The following DNAI7 variants were observed in gnomAD, a reference collection of about 807,000 sequenced individuals.
DNAI7 encodes the protein cancer susceptibility 1.
Under a neutral mutation model 86.6 loss-of-function variants are expected in DNAI7, and 78 were observed. The observed-to-expected ratio is 0.90, with a 90% CI of 0.75 to 1.09. The LOEUF (loss-of-function observed/expected upper bound fraction) is 1.09. Among genes scored for constraint, DNAI7 ranks in the 50% least tolerant of loss-of-function variants. The pLI is 0.00. For synonymous variants in DNAI7, 274 were observed against 273.0 expected (o/e 1.00, Z -0.04); for missense variants, 753 against 810.2 (o/e 0.93, Z 0.86).
rs377557319 is a variant in DNAI7, at chr12:25,144,452, CTCT to C, written c.912_914del (p.Glu305del). ...GAGACCCTCTTTCTTGTTGTTTGGACTCTTCTTCGACCTCCTTGCTGATTGCTT... is the reference window on the plus strand; with the variant it reads ...GAGACCCTCTTTCTTGTTGTTTGGACTCTTCGACCTCCTTGCTGATTGCTT... On this transcript the variant is annotated inframe_deletion, in exon 9 of 16. Coordinates refer to ENST00000395987, the MANE Select transcript of DNAI7 (RefSeq NM_018272.5). The C allele has an allele frequency of 1.1e-5, 17 of 1,613,990 alleles. No individual in the cohort carries two copies. The highest frequency in any genetic ancestry group is 5.3e-5 in the African/African-American group (4 of 74,924).
chr12:25,147,483 C>CTCCA (rs1555170149), intron 7 of DNAI7, among the ~76,000 whole-genome samples: 4 of 150,124 alleles, frequency 2.7e-5, no homozygotes, highest in African/African-American at 4.9e-5. Context: ...GAGACCACCC[C>CTCCA]CATCTCTACA....
chr12:25,150,457 A>G (rs1945388452), intron 6 of DNAI7, among the ~76,000 whole-genome samples: 1 of 152,042 alleles, frequency 6.6e-6, no homozygotes, highest in Non-Finnish European at 1.5e-5. Context: ...ACAAAAAATT[A>G]GCCAGGTGTG....
chr12:25,140,223 G>C (rs1369729805), intron 9 of DNAI7, among the ~76,000 whole-genome samples: 1 of 148,618 alleles, frequency 6.7e-6, no homozygotes, highest in Non-Finnish European at 1.5e-5. Context: ...AAAAACGAAG[G>C]GCATCCAAAT....
At chr12:25,168,581 G>GCCTT (rs1947767159) in intron 2 of DNAI7, among the ~76,000 whole-genome samples, 1 of 152,270 alleles carries the variant, frequency 6.6e-6, no homozygotes, top group South Asian at 2.1e-4. Flanking sequence ...AACCGCCGAG[G>GCCTT]CCTTGACTTA....
At chr12:25,113,502 A>G (rs149734680) in intron 13 of DNAI7, among the ~76,000 whole-genome samples, 15,355 of 151,928 alleles carry the variant, frequency 0.1, 1,145 homozygotes, top group Non-Finnish European at 0.14. Flanking sequence ...GGGTTTCACC[A>G]TATTGGCCAG....
At position 25,144,356 on chromosome 12, in the gene DNAI7, G is replaced by C. The variant is rs377619643; in HGVS notation, c.1002+9C>G. On this transcript the variant is annotated intron_variant, in intron 9 of 15. Transcript: ENST00000395987. ...AATAAAAAAATGTGTATATTTAAAT[G>C]TGTCCTACCATTTTCACTTCAATAT... The C allele has an allele frequency of 1.3e-5, 21 of 1,600,306 alleles. No individual in the cohort carries two copies. Among genetic ancestry groups the C allele is most frequent in the Non-Finnish European group, 1.5e-5 (18 of 1,169,516 alleles).
chr12:25,191,825 A>C (rs1950547914), intron 1 of DNAI7, among the ~76,000 whole-genome samples: 1 of 152,246 alleles, frequency 6.6e-6, no homozygotes, highest in Non-Finnish European at 1.5e-5. Context: ...ACAGGATTTC[A>C]AAAAAGACTC....
chr12:25,170,640 T>C (rs779756344), intron 2 of DNAI7, among the ~76,000 whole-genome samples: 1 of 152,174 alleles, frequency 6.6e-6, no homozygotes, highest in East Asian at 1.9e-4. Flanking sequence ...TTAACAGGTA[T>C]ATACAGAACA....
At chr12:25,192,393 G>C (rs2141411943) in intron 1 of DNAI7, among the ~76,000 whole-genome samples, 1 of 152,314 alleles carries the variant, frequency 6.6e-6, no homozygotes, top group South Asian at 2.1e-4. Flanking sequence ...TAGTGAAGTA[G>C]TTCTCAAAGT....
chr12:25,144,712 AC>A (rs1944613398), intron 8 of DNAI7, 35 bp from the exon 9 acceptor site: 2 of 1,489,090 alleles, frequency 1.3e-6, no homozygotes, highest in African/African-American at 1.4e-5. Context: ...AAAAGATGAG[AC>A]CCTAGGAAAC....
chr12:25,190,695 G>T, intron 1 of DNAI7, 64 bp from the exon 2 acceptor site: 2 of 887,750 alleles, frequency 2.3e-6, no homozygotes, highest in South Asian at 1.9e-5. Context: ...AAAGTATCAT[G>T]ATTATGTAAG....
chr12:25,134,215 T>G (rs543285407), intron 9 of DNAI7, among the ~76,000 whole-genome samples: 2 of 152,112 alleles, frequency 1.3e-5, no homozygotes, highest in East Asian at 3.9e-4. Flanking sequence ...AGGCTGGTCT[T>G]GAACTCCTGA....
At chr12:25,148,444 G>A (rs1412270671) in intron 7 of DNAI7, among the ~76,000 whole-genome samples, 1 of 152,174 alleles carries the variant, frequency 6.6e-6, no homozygotes, top group Non-Finnish European at 1.5e-5. Context: ...TCCCCAATCT[G>A]AGGTCAAATA....
chr12:25,152,418 A>T (rs1376014947), intron 6 of DNAI7, among the ~76,000 whole-genome samples: 1 of 152,238 alleles, frequency 6.6e-6, no homozygotes, highest in Non-Finnish European at 1.5e-5. Flanking sequence ...TCAAACAACG[A>T]GGTTCAGAGA....
At chr12:25,182,274 G>A (rs1331765470) in intron 2 of DNAI7, among the ~76,000 whole-genome samples, 1 of 149,294 alleles carries the variant, frequency 6.7e-6, no homozygotes, top group African/African-American at 2.5e-5. Context: ...TTGAACCTGG[G>A]GGGCGGAGGT....
intron 13 of DNAI7, among the ~76,000 whole-genome samples, chr12:25,113,946 T>TG (rs1429476203): frequency 5.7e-5 from 5 of 88,320 alleles, no homozygotes; most frequent in African/African-American, 1.4e-4. Flanking sequence ...GGGTTTTTTT[T>TG]TTTTTTTTTT....
Position 25,112,610 on chromosome 12 carries a change from G to A in DNAI7, c.1612-671C>T, listed in dbSNP as rs113140260. ...TTTAGTAGAGACAGGGTTTCACCGTGTTAGCCAGGATGGTCTCGATCTCCT... is the reference window on the plus strand; with the variant it reads ...TTTAGTAGAGACAGGGTTTCACCGTATTAGCCAGGATGGTCTCGATCTCCT... On this transcript the variant is annotated intron_variant, in intron 13 of 15. Transcript: ENST00000395987. Among the ~76,000 whole-genome samples the A allele has an allele frequency of 1.4e-3, 208 of 152,008 alleles. 1 individual carries two copies. Among genetic ancestry groups the A allele is most frequent in the African/African-American group, 4.9e-3 (202 of 41,468 alleles).
At chr12:25,108,241 A>G, downstream of DNAI7, 1 of 641,482 alleles carries the variant, frequency 1.6e-6, no homozygotes, top group South Asian at 2.3e-5. Flanking sequence ...ATGGGGAAGA[A>G]GTCTGCCTAT....
At position 25,161,178 on chromosome 12, in the gene DNAI7, TTC is replaced by T. The variant is rs1565770923; in HGVS notation, c.39_40del (p.Lys14SerfsTer5). On this transcript the variant is annotated frameshift_variant, in exon 3 of 16. Transcript: ENST00000395987. LOFTEE classifies it high-confidence loss of function. ...CTTCAATCGTTCAGCTTTGGTGACT[TTC>T]TTTTTCTTACTGCCAGACTTAACAA... is the stretch of plus-strand genomic sequence containing the variant. 2 of 1,613,844 alleles carry T rather than the reference TTC, an allele frequency of 1.2e-6. No homozygotes were observed. Among genetic ancestry groups the T allele is most frequent in the Non-Finnish European group, 1.7e-6 (2 of 1,179,832 alleles).
Sources: gnomAD v4.1 joint callset for allele counts (sites outside exome capture counted in the v4.1 genomes callset) on GRCh38, gnomAD v4.1.1 for gene constraint, MANE v1.5 for transcripts, NCBI Gene and HGNC (gene_info 2026-07-23, HGNC 2026-07-21) for gene names.